Variants in SP2 observed in about 807,000 individuals in gnomAD.
The protein encoded by SP2 is transcription factor Sp2.
In SP2, 9 loss-of-function variants were observed where a neutral mutation model predicts 50.1. That is an observed-to-expected ratio of 0.18 (90% CI 0.11 to 0.31). The LOEUF is 0.31. Among genes scored for constraint, SP2 ranks in the 10% least tolerant of loss-of-function variants. The pLI is 1.00. For synonymous variants in SP2, 313 were observed against 326.6 expected (o/e 0.96, Z 0.45); for missense variants, 581 against 806.5 (o/e 0.72, Z 3.39).
chr17:47,926,582 A>G (rs1386340319), intron 6 of SP2, among the ~76,000 whole-genome samples: 2 of 152,062 alleles, frequency 1.3e-5, no homozygotes, highest in African/African-American at 4.8e-5. Context: ...AAAGTGAGAT[A>G]TCACAGTTAT....
chr17:47,909,796 A>G (rs1176721306), intron 1 of SP2: 1 of 441,130 alleles, frequency 2.3e-6, no homozygotes, highest in Non-Finnish European at 3.0e-6. Context: ...GAACTCTAAT[A>G]CTAATACCCA....
chr17:47,927,585 T>A, intron 6 of SP2, 139 bp from the exon 7 acceptor site: 1 of 530,384 alleles, frequency 1.9e-6, no homozygotes, highest in Non-Finnish European at 3.4e-6. Context: ...TGAGCAAATG[T>A]GAGAGCAGGA....
At chr17:47,917,232 G>T in intron 3 of SP2, 102 bp downstream of exon 3, 2 of 1,254,890 alleles carry the variant, frequency 1.6e-6, no homozygotes, top group Non-Finnish European at 2.2e-6. Context: ...ATCTGACCTT[G>T]AGAGTCAGTA....
Position 47,917,068 on chromosome 17 carries a change from A to C in SP2, c.997A>C (p.Thr333Pro), listed in dbSNP as rs202157380. 8 of 1,613,396 alleles carry C rather than the reference A, an allele frequency of 5.0e-6. No homozygotes were observed. Among genetic ancestry groups the C allele is most frequent in the Admixed American group, 1.7e-5 (1 of 59,988 alleles). The change falls in exon 3 of 7, where the codon ACT (threonine) becomes CCT (proline). Residue 333 changes from threonine to proline, a missense_variant. This residue lies in a region of SP2 where 397 missense variants were observed against 491.0 expected (regional missense o/e 0.81). Coordinates refer to ENST00000376741, the MANE Select transcript of SP2 (RefSeq NM_003110.6). The stretch of plus-strand genomic sequence containing the variant: ...GCAGGCGGCATCTGCCACCCTCCCC[A>C]CTGTACCCCAGAAGCCCTCCCAGAA... ...VVQAASATLPTVPQKPSQNFQ... is the reference protein window; with the variant it reads ...VVQAASATLPPVPQKPSQNFQ...
intron 1 of SP2, among the ~76,000 whole-genome samples, chr17:47,901,280 T>C (rs74853612): frequency 0.078 from 11,840 of 151,730 alleles, 567 homozygotes; most frequent in East Asian, 0.22. Flanking sequence ...CCAGAGTAGC[T>C]GGGACTACAG....
At chr17:47,912,762 C>G (rs2143911761) in intron 1 of SP2, among the ~76,000 whole-genome samples, 1 of 152,194 alleles carries the variant, frequency 6.6e-6, no homozygotes. Context: ...CTTTTCTTTA[C>G]TTTTCCCCAT....
chr17:47,919,708 CTG>C (rs1473877037), intron 3 of SP2, among the ~76,000 whole-genome samples: 2 of 151,830 alleles, frequency 1.3e-5, no homozygotes, highest in African/African-American at 2.4e-5. Flanking sequence ...CAAGACCCCA[CTG>C]TGTTTTCACC....
chr17:47,897,521 T>C (rs558793924), intron 1 of SP2: 1 of 152,390 alleles, frequency 6.6e-6, no homozygotes, highest in South Asian at 2.1e-4. Flanking sequence ...TCATTACAGA[T>C]GGACACTGTT....
intron 4 of SP2, 151 bp from the exon 5 acceptor site, chr17:47,924,768 A>G: frequency 1.5e-6 from 1 of 650,588 alleles, no homozygotes; most frequent in Non-Finnish European, 2.6e-6. Context: ...GAGTCCCTGT[A>G]CAAAGGTCCT....
rs762872201 is a variant in SP2 at position 47,916,732 on chromosome 17, A to C, written c.661A>C (p.Asn221His). Residue 221 changes from asparagine to histidine, a missense_variant, in exon 3 of 7, where the codon AAC becomes CAC. By Grantham distance (68) the Asn-to-His change is moderately conservative. This residue lies in a region of SP2 where 397 missense variants were observed against 491.0 expected (regional missense o/e 0.81). Coordinates refer to ENST00000376741, the MANE Select transcript of SP2 (RefSeq NM_003110.6). The surrounding 1 kb of genome is among the most constrained non-coding windows in gnomAD (Gnocchi z 4.7). ...TLTLPVNNLV[N>H]ASDTGAPTQL... ...CACTCTGCCCGTCAACAACCTTGTG[A>C]ACGCCAGTGACACCGGGGCCCCTAC... 1 of 1,613,052 alleles carries C rather than the reference A, an allele frequency of 6.2e-7. No individual in the cohort carries two copies. Among genetic ancestry groups the C allele is most frequent in the East Asian group, 2.2e-5 (1 of 44,838 alleles).
rs561925846 is a variant in SP2 at position 47,905,421 on chromosome 17, A to G, written c.7+9128A>G. Among the ~76,000 whole-genome samples the G allele has an allele frequency of 3.9e-5, 6 of 152,332 alleles. No homozygotes were observed. In the East Asian group the frequency reaches 1.2e-3, roughly 29 times the overall value. On this transcript the variant is annotated intron_variant, in intron 1 of 6. Transcript: ENST00000376741. ...CATAGCAAAAAGCCAAGAAAGCCAG[A>G]CCCACGATGGCAGGAACCCACAGGC...
chr17:47,925,001 A>C lies in SP2; in HGVS notation c.1455A>C (p.Gln485His). The C allele has an allele frequency of 6.2e-7, 1 of 1,614,176 alleles. No individual in the cohort carries two copies. Among genetic ancestry groups the C allele is most frequent in the Non-Finnish European group, 8.5e-7 (1 of 1,179,994 alleles). Residue 485 changes from glutamine to histidine, a missense_variant, in exon 5 of 7, where the codon CAA becomes CAC. Gln to His is a conservative substitution (Grantham distance 24). Around this residue, in one of 2 missense-constraint regions of SP2, gnomAD observed 184 missense variants for 315.5 expected, o/e 0.58. Coordinates refer to ENST00000376741, the MANE Select transcript of SP2 (RefSeq NM_003110.6). ...SGLSPTQIQL[Q>H]MEQALAGETQ... is the part of the protein sequence containing the mutation. ...TGAGCCCCACCCAGATCCAGCTGCA[A>C]ATGGAACAAGCCCTGGCCGGAGAGA...
At chr17:47,902,746 T>TTTTTG (rs1392724422) in intron 1 of SP2, among the ~76,000 whole-genome samples, 4 of 152,058 alleles carry the variant, frequency 2.6e-5, no homozygotes, top group Admixed American at 6.5e-5. Flanking sequence ...GCTAGTTAGA[T>TTTTTG]TTTTGTTTTG....
chr17:47,920,864 C>T (rs1323245636), intron 3 of SP2, among the ~76,000 whole-genome samples: 1 of 152,134 alleles, frequency 6.6e-6, no homozygotes, highest in Non-Finnish European at 1.5e-5. Context: ...CAGAGTTGTG[C>T]AGCCATTACC....
At chr17:47,912,637 G>T (rs1284047165) in intron 1 of SP2, among the ~76,000 whole-genome samples, 1 of 151,966 alleles carries the variant, frequency 6.6e-6, no homozygotes, top group Non-Finnish European at 1.5e-5. Flanking sequence ...TACAGATGGG[G>T]TCTCCCTATG....
intron 4 of SP2, 26 bp from the exon 5 acceptor site, chr17:47,924,893 A>C: frequency 6.4e-7 from 1 of 1,559,386 alleles, no homozygotes; most frequent in Non-Finnish European, 8.7e-7. Flanking sequence ...CCTCACCCTG[A>C]ACTCTGCCCC....
chr17:47,906,447 C>T (rs1006178300), intron 1 of SP2, among the ~76,000 whole-genome samples: 2 of 152,122 alleles, frequency 1.3e-5, no homozygotes, highest in Admixed American at 6.5e-5. Flanking sequence ...GGGGAGCCCT[C>T]GCATACATTG....
chr17:47,910,140 A>G (rs2034925927), intron 1 of SP2, among the ~76,000 whole-genome samples: 1 of 152,194 alleles, frequency 6.6e-6, no homozygotes, highest in Non-Finnish European at 1.5e-5. Context: ...CGCCTGGCCA[A>G]CATCTGCAAG....
chr17:47,909,669 A>T (rs2034903237), intron 1 of SP2: 15 of 979,904 alleles, frequency 1.5e-5, no homozygotes, highest in Non-Finnish European at 1.5e-5. Context: ...TACAGAGGGC[A>T]CTAGGAGGAG....
Sources: allele counts gnomAD v4.1 joint callset (sites outside exome capture counted in the v4.1 genomes callset), GRCh38; gene constraint gnomAD v4.1.1; regional missense constraint gnomAD v4.1.1; non-coding constraint Gnocchi (gnomAD v3.1); transcripts MANE v1.5; gene names NCBI Gene and HGNC (gene_info 2026-07-23, HGNC 2026-07-21).